Variants in PCDHGA8 observed in about 807,000 individuals in gnomAD.
PCDHGA8 encodes protocadherin gamma subfamily A, 8, also known as protocadherin gamma-A8.
In PCDHGA8, 45 loss-of-function variants were observed where a neutral mutation model predicts 59.2. The observed-to-expected ratio is 0.76, with a 90% CI of 0.60 to 0.98. The LOEUF (loss-of-function observed/expected upper bound fraction) is 0.98, where lower values mean the gene tolerates loss of function less well. PCDHGA8 is among the 50% of genes least tolerant of loss of function. PCDHGA8 has a pLI of 0.00. For missense variants in PCDHGA8, 1,257 were observed against 1,196.2 expected, an observed-to-expected ratio of 1.05 and a Z score of -0.75; for synonymous variants, 531 against 519.0, an observed-to-expected ratio of 1.02 and a Z score of -0.32.
chr5:141,485,275 G>T lies in PCDHGA8; in HGVS notation c.2425-9532G>T, dbSNP rs77402299. ...ACGTTTGTGGGCAGATCCGCTACCC[G>T]GTCCCAGAGGAGTCACAGGAAGGGA... is the stretch of plus-strand genomic sequence containing the variant. On this transcript the variant is annotated intron_variant, in intron 1 of 3. Coordinates refer to ENST00000398604, the MANE Select transcript of PCDHGA8 (RefSeq NM_032088.2). The surrounding 1 kb of genome is among the most constrained non-coding windows in gnomAD (Gnocchi z 5.7). 1.1e-5 allele frequency: 18 copies of T among 1,614,072 alleles called. No individual in the cohort carries two copies. The South Asian group carries it at 1.4e-4, about 13-fold the overall frequency.
At chr5:141,399,806 A>G in intron 1 of PCDHGA8, 1 of 1,613,106 alleles carries the variant, frequency 6.2e-7, no homozygotes, top group Non-Finnish European at 8.5e-7. Context: ...CGGGTGCTGT[A>G]CCCCGCGCTG....
intron 1 of PCDHGA8, chr5:141,418,417 T>G: frequency 6.2e-7 from 1 of 1,614,002 alleles, no homozygotes; most frequent in Non-Finnish European, 8.5e-7. Flanking sequence ...AAGACAATCC[T>G]GATGGTGGCA....
At position 141,490,162 on chromosome 5, in the gene PCDHGA8, A is replaced by G. The variant is rs1371128858; in HGVS notation, c.2425-4645A>G. The G allele has an allele frequency of 1.2e-6, 2 of 1,614,218 alleles. No individual in the cohort carries two copies. The highest frequency in any genetic ancestry group is 1.7e-6 in the Non-Finnish European group (2 of 1,180,028). ...TGGGGCAATCCATGTGTTGGGTCCCATAGACTTTGAGGAGTCACGTTTCTA... is the reference window on the plus strand; with the variant it reads ...TGGGGCAATCCATGTGTTGGGTCCCGTAGACTTTGAGGAGTCACGTTTCTA... On this transcript the variant is annotated intron_variant, in intron 1 of 3. Transcript: ENST00000398604. This position sits in a 1 kb window ranked among gnomAD's most constrained non-coding sequence, Gnocchi z 5.4.
In PCDHGA8 at chr5:141,512,009, CAAGTT is replaced by C. The variant is rs1409890580; in HGVS notation, c.*838_*842del. On this transcript the variant is annotated 3_prime_UTR_variant, in exon 4 of 4. Transcript: ENST00000398604. ...GGGGCATGGACAAAGCTTGACACATCAAGTTATCAAGGCCTTGGAGGAGGCTCTGT... is the reference window on the plus strand; with the variant it reads ...GGGGCATGGACAAAGCTTGACACATCATCAAGGCCTTGGAGGAGGCTCTGT... 1 of 153,074 alleles carries C rather than the reference CAAGTT, an allele frequency of 6.5e-6. No individual in the cohort carries two copies. The highest frequency in any genetic ancestry group is 1.9e-4 in the East Asian group (1 of 5,182). 9.5% of individuals were successfully genotyped at this position (153,074 alleles called of 1,614,324 possible).
At chr5:141,421,994 T>A (rs765586654) in intron 1 of PCDHGA8, 3 of 1,608,922 alleles carry the variant, frequency 1.9e-6, no homozygotes, top group Non-Finnish European at 2.5e-6. Flanking sequence ...CCAGAAAACA[T>A]CAGCTCCGGA....
At position 141,393,619 on chromosome 5, in the gene PCDHGA8, C is replaced by T. The variant is rs768350628; in HGVS notation, c.806C>T (p.Pro269Leu). 50 of 1,613,708 alleles carry T rather than the reference C, an allele frequency of 3.1e-5. No homozygotes were observed. Among genetic ancestry groups the T allele is most frequent in the Admixed American group, 6.7e-5 (4 of 60,000 alleles). ...CTGCTTACTGTAACAGCCAGCGACC[C>T]GGATGAGGGAATCAACGGAAAAGTG... ...TRLLTVTASD[P>L]DEGINGKVAY... Residue 269 changes from proline to leucine, a missense_variant, in exon 1 of 4, where the codon CCG becomes CTG. By Grantham distance (98) the Pro-to-Leu change is moderately conservative. Transcript: ENST00000398604.
Position 141,419,399 on chromosome 5 carries a change from G to C in PCDHGA8, c.2424+24162G>C, listed in dbSNP as rs893535249. On this transcript the variant is annotated intron_variant, in intron 1 of 3. Coordinates refer to ENST00000398604, the MANE Select transcript of PCDHGA8 (RefSeq NM_032088.2). ...GTCCGTGAGCGCGCAGAGCGGGGTG[G>C]TGTTCGCGCAGCGCGCCTTCGACCA... 1.7e-5 allele frequency: 28 copies of C among 1,613,470 alleles called. No individual in the cohort carries two copies. Among genetic ancestry groups the C allele is most frequent in the Admixed American group, 1.7e-5 (1 of 60,014 alleles).
intron 1 of PCDHGA8, chr5:141,403,680 C>A: frequency 6.2e-7 from 1 of 1,613,846 alleles, no homozygotes; most frequent in Non-Finnish European, 8.5e-7. Context: ...CCGGTTTTTG[C>A]TCAACGGATT....
chr5:141,485,070 G>A lies in PCDHGA8; in HGVS notation c.2425-9737G>A. On this transcript the variant is annotated intron_variant, in intron 1 of 3. Coordinates refer to ENST00000398604, the MANE Select transcript of PCDHGA8 (RefSeq NM_032088.2). The surrounding 1 kb of genome is among the most constrained non-coding windows in gnomAD (Gnocchi z 5.7). ...CGCCGGCCGAACCGCGCCAGAGCTG[G>A]CGCGGGGAAAGGGAGATAGGTGTCT... is the stretch of plus-strand genomic sequence containing the variant. The A allele has an allele frequency of 1.1e-6, 1 of 908,406 alleles. No individual in the cohort carries two copies. Among genetic ancestry groups the A allele is most frequent in the Non-Finnish European group, 1.7e-6 (1 of 580,008 alleles). 56.3% of individuals were successfully genotyped at this position (908,406 alleles called of 1,614,324 possible). A position where few individuals can be genotyped will look rare whatever the true frequency, so the allele number is the denominator to read the frequency against.
In PCDHGA8 at chr5:141,476,218, C is replaced by G. The variant is rs1562052166; in HGVS notation, c.2425-18589C>G. On this transcript the variant is annotated intron_variant, in intron 1 of 3. Transcript: ENST00000398604. The surrounding 1 kb of genome is among the most constrained non-coding windows in gnomAD (Gnocchi z 7.6). ...TGAACAAGGCTTCCACGGTCATTCA[C>G]TATGAGATCCCGGAGGAAAGAGAGA... is the stretch of plus-strand genomic sequence containing the variant. 1 of 1,613,984 alleles carries G rather than the reference C, an allele frequency of 6.2e-7. No homozygotes were observed.
At chr5:141,415,740 G>GTTTTTTTTTTTTTTTTTTTTTTTTTTT (rs57426385) in intron 1 of PCDHGA8, 4 of 625,042 alleles carry the variant, frequency 6.4e-6, no homozygotes, top group Non-Finnish European at 6.4e-6. Flanking sequence ...GTTTATTAAG[G>GTTTTTTTTTTTTTTTTTTTTTTTTTTT]TTTTTTTTTT....
chr5:141,416,996 C>T (rs1280099812), intron 1 of PCDHGA8: 1 of 151,012 alleles, frequency 6.6e-6, no homozygotes. Flanking sequence ...GTGCATTCAT[C>T]TCAAATAATT....
At chr5:141,494,188 T>C (rs2099752632) in intron 1 of PCDHGA8, among the ~76,000 whole-genome samples, 1 of 152,186 alleles carries the variant, frequency 6.6e-6, no homozygotes, top group South Asian at 2.1e-4. Flanking sequence ...GTCCCGGGAC[T>C]TGGATGCCCC....
rs2097400915 is a variant in PCDHGA8, at chr5:141,431,619, A to G, written c.2424+36382A>G. The stretch of plus-strand genomic sequence containing the variant: ...TATTCCTTCCGGTATGTGGACGACA[A>G]GGCGGCCCAAGTTTTCAAACTAGAT... On this transcript the variant is annotated intron_variant, in intron 1 of 3. Coordinates refer to ENST00000398604, the MANE Select transcript of PCDHGA8 (RefSeq NM_032088.2). The surrounding 1 kb of genome is among the most constrained non-coding windows in gnomAD (Gnocchi z 4.8). 3.1e-6 allele frequency: 5 copies of G among 1,614,230 alleles called. No homozygotes were observed. The highest frequency in any genetic ancestry group is 4.5e-5 in the East Asian group (2 of 44,880).
chr5:141,417,776 C>T (rs2096161387), intron 1 of PCDHGA8: 1 of 1,469,712 alleles, frequency 6.8e-7, no homozygotes, highest in South Asian at 1.4e-5. Context: ...CTCCTCCTGT[C>T]CTGGGCCGAA....
At chr5:141,405,498 C>T in intron 1 of PCDHGA8, 2 of 784,948 alleles carry the variant, frequency 2.5e-6, no homozygotes, top group Admixed American at 2.7e-5. Flanking sequence ...CGGCTCATTG[C>T]AACCTCCGCC....
chr5:141,393,742 A>T lies in PCDHGA8; in HGVS notation c.929A>T (p.Glu310Val). The change falls in exon 1 of 4, where the codon GAA becomes GTA. Residue 310 changes from glutamate to valine, a missense_variant. Glu to Val is a moderately radical substitution (Grantham distance 121). Transcript: ENST00000398604. ...EISIAKSLDY[E>V]ECSFYEMEIQ... The stretch of plus-strand genomic sequence containing the variant: ...TCAATAGCAAAAAGTCTAGATTATG[A>T]AGAATGTTCATTTTATGAAATGGAA... 1 of 1,613,902 alleles carries T rather than the reference A, an allele frequency of 6.2e-7. No individual in the cohort carries two copies. Among genetic ancestry groups the T allele is most frequent in the Non-Finnish European group, 8.5e-7 (1 of 1,179,874 alleles).
At chr5:141,430,996 G>C in intron 1 of PCDHGA8, 8 of 1,614,024 alleles carry the variant, frequency 5.0e-6, no homozygotes, top group Middle Eastern at 3.3e-4. Context: ...CCCTGAATCC[G>C]CGCAGCGGCA....
intron 1 of PCDHGA8, among the ~76,000 whole-genome samples, chr5:141,464,966 T>C (rs192224238): frequency 1.2e-3 from 178 of 152,274 alleles, no homozygotes; most frequent in Middle Eastern, 3.4e-3. Flanking sequence ...TGTCTTGAAC[T>C]ACTGGCTTCA....
Sources: allele counts gnomAD v4.1 joint callset (sites outside exome capture counted in the v4.1 genomes callset), GRCh38; gene constraint gnomAD v4.1.1; non-coding constraint Gnocchi (gnomAD v3.1); transcripts MANE v1.5; gene names NCBI Gene and HGNC (gene_info 2026-07-23, HGNC 2026-07-21).